GPR75: variants seen among roughly 807,000 people sequenced by gnomAD.
The protein encoded by GPR75 is G protein-coupled receptor 75.
A neutral mutation model predicts 26.0 loss-of-function variants in GPR75; 27 were observed. That is an observed-to-expected ratio of 1.04 (90% CI 0.77 to 1.43). The LOEUF is 1.43. Among genes scored for constraint, GPR75 ranks in the 40% most tolerant of loss-of-function variants. The pLI, the probability that GPR75 is intolerant of heterozygous loss-of-function variation, is 0.00. For missense variants in GPR75, 699 were observed against 662.3 expected (o/e 1.06, Z -0.61); for synonymous variants, 285 against 256.3 (o/e 1.11, Z -1.07).
At chr2:53,859,521 C>T (rs916920600) in intron 1 of GPR75, among the ~76,000 whole-genome samples, 3 of 151,014 alleles carry the variant, frequency 2.0e-5, no homozygotes, top group Non-Finnish European at 4.4e-5. Flanking sequence ...GGTGAGGTGA[C>T]GGTAAGGAGG....
chr2:53,853,869 G>A lies in GPR75; in HGVS notation c.888C>T (p.Val296=). Residue 296 remains valine (V), a synonymous_variant, in exon 2 of 2, where the codon GTC becomes GTT. Transcript: ENST00000394705. The part of the protein sequence containing the change: ...RGYTKSPNQL[V]TPAASRLQLV... ...GCTGGAGTCGGCTTGCTGCAGGGGTGACCAGTTGGTTGGGACTCTTGGTAT... is the reference window on the plus strand; with the variant it reads ...GCTGGAGTCGGCTTGCTGCAGGGGTAACCAGTTGGTTGGGACTCTTGGTAT... The A allele has an allele frequency of 3.1e-6, 5 of 1,614,054 alleles. No homozygotes were observed. Among genetic ancestry groups the A allele is most frequent in the Non-Finnish European group, 4.2e-6 (5 of 1,179,996 alleles).
At chr2:53,856,821 A>G (rs1295202186) in intron 1 of GPR75, among the ~76,000 whole-genome samples, 1 of 152,222 alleles carries the variant, frequency 6.6e-6, no homozygotes, top group East Asian at 1.9e-4. Context: ...AAGAGAAGAA[A>G]ATCCTGAACT....
chr2:53,852,999 G>A lies in GPR75; in HGVS notation c.*135C>T. The stretch of plus-strand genomic sequence containing the variant: ...ATCAACAGATACTGACACATCAGAT[G>A]AAAGAAAACCATAACTGCCAACTTT... On this transcript the variant is annotated 3_prime_UTR_variant, in exon 2 of 2. Transcript: ENST00000394705. The A allele has an allele frequency of 1.6e-6, 1 of 627,140 alleles. No homozygotes were observed. The highest frequency in any genetic ancestry group is 2.8e-6 in the Non-Finnish European group (1 of 361,732). The allele number at this position is 627,140 out of a possible 1,614,324, so 38.8% of individuals were successfully genotyped here.
chr2:53,856,421 C>A (rs1340893563), intron 1 of GPR75, among the ~76,000 whole-genome samples: 1 of 152,202 alleles, frequency 6.6e-6, no homozygotes, highest in Admixed American at 6.5e-5. Flanking sequence ...CTGCAGAGGT[C>A]CAGGGCTGAT....
chr2:53,859,709 C>G, intron 1 of GPR75, 119 bp downstream of exon 1: 1 of 693,502 alleles, frequency 1.4e-6, no homozygotes, highest in East Asian at 3.3e-5. Context: ...ACCAGGAAGA[C>G]AGGTACGCGG....
At chr2:53,855,182 T>C (rs1321997973) in intron 1 of GPR75, among the ~76,000 whole-genome samples, 3 of 152,026 alleles carry the variant, frequency 2.0e-5, no homozygotes, top group Non-Finnish European at 4.4e-5. Flanking sequence ...ATTTGGTGCA[T>C]AGACAGCATT....
Position 53,852,941 on chromosome 2 carries a change from C to T in GPR75, c.*193G>A. 1.8e-6 allele frequency: 1 copy of T among 542,992 alleles called. No individual in the cohort carries two copies. Among genetic ancestry groups the T allele is most frequent in the Non-Finnish European group, 3.2e-6 (1 of 309,424 alleles). 33.6% of individuals were successfully genotyped at this position (542,992 alleles called of 1,614,324 possible). On this transcript the variant is annotated 3_prime_UTR_variant, in exon 2 of 2. Coordinates refer to ENST00000394705, the MANE Select transcript of GPR75 (RefSeq NM_006794.4). ...GGTAAAAAATCTAAAACTTTCACAT[C>T]AAATCTTAAGATGTCAACAAACTAC...
intron 1 of GPR75, among the ~76,000 whole-genome samples, chr2:53,855,877 T>C (rs756703376): frequency 6.6e-6 from 1 of 152,156 alleles, no homozygotes; most frequent in Non-Finnish European, 1.5e-5. Context: ...TATTCTCCTT[T>C]GGAAAAAAAC....
chr2:53,854,343 C>T lies in GPR75; in HGVS notation c.414G>A (p.Val138=), dbSNP rs775513285. Residue 138 remains valine (V), a synonymous_variant, in exon 2 of 2, where the codon GTG becomes GTA. Coordinates refer to ENST00000394705, the MANE Select transcript of GPR75 (RefSeq NM_006794.4). ...CCATCCGGAGCCGGTGCAGGGCGAT[C>T]ACTGCCACTGTCTTCAGAGACATGA... ...FIIMSLKTVA[V]IALHRLRMVL... The T allele has an allele frequency of 3.7e-6, 6 of 1,614,090 alleles. No homozygotes were observed. The South Asian group carries it at 6.6e-5, about 18-fold the overall frequency.
rs771403683 is a variant in GPR75 at position 53,853,975 on chromosome 2, C to A, written c.782G>T (p.Gly261Val). Residue 261 changes from glycine (G) to valine (V), a missense_variant, in exon 2 of 2, where the codon GGA (glycine) becomes GTA (valine). By Grantham distance (109) the Gly-to-Val change is moderately radical (BLOSUM62 -3). Transcript: ENST00000394705. ...PFMGVPVQGGGDPIQCAMPAL... is the reference protein window; with the variant it reads ...PFMGVPVQGGVDPIQCAMPAL... ...CGGCATGGCACACTGGATGGGATCT[C>A]CACCTCCCTGCACAGGGACCCCCAT... 2 of 1,614,078 alleles carry A rather than the reference C, an allele frequency of 1.2e-6. No individual in the cohort carries two copies. Among genetic ancestry groups the A allele is most frequent in the Non-Finnish European group, 1.7e-6 (2 of 1,180,004 alleles).
rs535870028 is a variant in GPR75 at position 53,855,036 on chromosome 2, G to T, written c.-109-171C>A. The stretch of plus-strand genomic sequence containing the variant: ...GGGTCTTACCATGTTGCCCAGGCTG[G>T]ACTTGAACTCCTGTGCTCAAGCAGT... On this transcript the variant is annotated intron_variant, in intron 1 of 1. Coordinates refer to ENST00000394705, the MANE Select transcript of GPR75 (RefSeq NM_006794.4). Among the ~76,000 whole-genome samples the T allele has an allele frequency of 1.2e-3, 179 of 152,088 alleles. 1 individual carries two copies. Among genetic ancestry groups the T allele is most frequent in the Non-Finnish European group, 1.9e-3 (128 of 67,992 alleles).
chr2:53,858,174 G>A (rs1195080219), intron 1 of GPR75, among the ~76,000 whole-genome samples: 2 of 152,008 alleles, frequency 1.3e-5, no homozygotes, highest in East Asian at 1.9e-4. Context: ...ATGCTAACCC[G>A]AACAACAAAA....
At chr2:53,859,597 AG>A (rs1048541872) in intron 1 of GPR75, among the ~76,000 whole-genome samples, 3 of 22,020 alleles carry the variant, frequency 1.4e-4, no homozygotes, top group Non-Finnish European at 2.9e-4. Flanking sequence ...AGGAGGGCTC[AG>A]CCAGGGTAGG....
intron 1 of GPR75, 83 bp downstream of exon 1, chr2:53,859,745 C>A: frequency 9.2e-7 from 1 of 1,085,350 alleles, no homozygotes; most frequent in Non-Finnish European, 1.3e-6. Context: ...AGCGCAGCCG[C>A]GCTCCTCGCT....
Position 53,859,827 on chromosome 2 carries a change from C to T in GPR75, c.-110+1G>A. On this transcript the variant is annotated splice_donor_variant, in intron 1 of 1. Transcript: ENST00000394705. LOFTEE classifies it low-confidence loss of function (5UTR_SPLICE). ...TCCTCCAGGGGCCCGCGGCCTCTCA[C>T]CTGCCGGGTGGCCGCAGCGCCGCCC... 6.5e-7 allele frequency: 1 copy of T among 1,530,872 alleles called. No individual in the cohort carries two copies. The highest frequency in any genetic ancestry group is 8.7e-7 in the Non-Finnish European group (1 of 1,142,894). The allele number at this position is 1,530,872 out of a possible 1,614,324, so 94.8% of individuals were successfully genotyped here.
In GPR75 at chr2:53,853,116, C is replaced by T. The variant is rs1678130673; in HGVS notation, c.*18G>A. On this transcript the variant is annotated 3_prime_UTR_variant, in exon 2 of 2. Coordinates refer to ENST00000394705, the MANE Select transcript of GPR75 (RefSeq NM_006794.4). ...GAAACAAAAACTGTTTACATAAGAT[C>T]CTATAGCCTCCATGACTTTAAACGG... 1.3e-6 allele frequency: 2 copies of T among 1,587,660 alleles called. No individual in the cohort carries two copies. Among genetic ancestry groups the T allele is most frequent in the African/African-American group, 2.7e-5 (2 of 74,366 alleles).
At chr2:53,857,011 C>T (rs997317013) in intron 1 of GPR75, among the ~76,000 whole-genome samples, 17 of 119,624 alleles carry the variant, frequency 1.4e-4, no homozygotes, top group African/African-American at 4.4e-4. Flanking sequence ...GGCGGGACTG[C>T]GGACTGCAGT....
In GPR75 at chr2:53,853,354, CCA is replaced by C. The variant is rs1678139576; in HGVS notation, c.1401_1402del (p.Cys467TrpfsTer13). 1.2e-6 allele frequency: 2 copies of C among 1,614,058 alleles called. No individual in the cohort carries two copies. The highest frequency in any genetic ancestry group is 1.3e-5 in the African/African-American group (1 of 74,994). The stretch of plus-strand genomic sequence containing the variant: ...GTTGATGGGGGTCGAGCTGCTCTGA[CCA>C]CAGTGTTGATGTCCAGCAGAGATCT... On this transcript the variant is annotated frameshift_variant, in exon 2 of 2. Coordinates refer to ENST00000394705, the MANE Select transcript of GPR75 (RefSeq NM_006794.4). LOFTEE classifies it high-confidence loss of function.
chr2:53,859,707 G>A, intron 1 of GPR75, 121 bp downstream of exon 1: 1 of 686,244 alleles, frequency 1.5e-6, no homozygotes, highest in Non-Finnish European at 2.3e-6. Context: ...GCACCAGGAA[G>A]ACAGGTACGC....
Sources: gnomAD v4.1 joint callset for allele counts (sites outside exome capture counted in the v4.1 genomes callset) on GRCh38, gnomAD v4.1.1 for gene constraint, MANE v1.5 for transcripts, NCBI Gene and HGNC (gene_info 2026-07-23, HGNC 2026-07-21) for gene names.